Variants in TBC1D21 observed in about 807,000 individuals in gnomAD.
TBC1D21 encodes TBC1 domain family member 21.
Under a neutral mutation model 46.0 loss-of-function variants are expected in TBC1D21, and 38 were observed. The observed-to-expected ratio is 0.83, with a 90% CI of 0.64 to 1.08. The LOEUF is 1.08. Ranked by LOEUF, TBC1D21 falls within the 50% of genes least tolerant of loss-of-function variation. The pLI is 0.00. For synonymous variants in TBC1D21, 151 were observed against 157.2 expected (o/e 0.96, Z 0.29); for missense variants, 415 against 417.9 (o/e 0.99, Z 0.06).
chr15:73,884,947 C>T, intron 5 of TBC1D21, 56 bp downstream of exon 5: 2 of 1,609,002 alleles, frequency 1.2e-6, no homozygotes, highest in Admixed American at 1.7e-5. Context: ...CAACCTAAGC[C>T]AAGGGTCCAG....
chr15:73,874,836 T>TA (rs2068029588), intron 1 of TBC1D21, among the ~76,000 whole-genome samples: 1 of 152,204 alleles, frequency 6.6e-6, no homozygotes, highest in African/African-American at 2.4e-5. Context: ...ACCATTTTCT[T>TA]CATCACGGTG....
At chr15:73,886,027 G>C in intron 6 of TBC1D21, 51 bp from the exon 7 acceptor site, 1 of 1,530,318 alleles carries the variant, frequency 6.5e-7, no homozygotes, top group Non-Finnish European at 9.0e-7. Flanking sequence ...TGACTCTTCC[G>C]GTGCCTTGAA....
the TBC1D21 span, among the ~76,000 whole-genome samples, chr15:73,897,971 G>A: frequency 1.3e-5 from 2 of 152,140 alleles, no homozygotes; most frequent in African/African-American, 4.8e-5. Flanking sequence ...CTGCCCCCCA[G>A]CACACACACA....
chr15:73,876,152 G>T (rs1408612183), intron 1 of TBC1D21, among the ~76,000 whole-genome samples: 1 of 147,506 alleles, frequency 6.8e-6, no homozygotes, highest in African/African-American at 2.5e-5. Flanking sequence ...GGTGGGTGTA[G>T]AGAAATGGAG....
intron 10 of TBC1D21, 25 bp from the exon 11 acceptor site, chr15:73,889,044 C>A: frequency 6.2e-7 from 1 of 1,612,810 alleles, no homozygotes; most frequent in Non-Finnish European, 8.5e-7. Flanking sequence ...AATGTCTGTG[C>A]ACCTCCCACC....
chr15:73,902,713 C>T, the TBC1D21 span, among the ~76,000 whole-genome samples: 2 of 152,202 alleles, frequency 1.3e-5, no homozygotes, highest in Non-Finnish European at 2.9e-5. Context: ...GGGTCTGCTC[C>T]CCTGGAGAGC....
intron 3 of TBC1D21, among the ~76,000 whole-genome samples, chr15:73,882,777 C>A (rs761454560): frequency 6.6e-6 from 1 of 152,202 alleles, no homozygotes; most frequent in Non-Finnish European, 1.5e-5. Context: ...ACAGGTAAGG[C>A]ACCTTGCACA....
At chr15:73,884,112 GA>G (rs66619071) in intron 3 of TBC1D21, 38 bp from the exon 4 acceptor site, 1,564,551 of 1,576,286 alleles carry the variant, frequency 0.99, 777,150 homozygotes, top group East Asian at 1. Flanking sequence ...ATCAGAAGGG[GA>G]AAAGCCACCT....
At chr15:73,887,816 G>A (rs1051561690) in intron 9 of TBC1D21, 80 bp downstream of exon 9, 4 of 1,213,668 alleles carry the variant, frequency 3.3e-6, no homozygotes, top group South Asian at 1.3e-5. Flanking sequence ...GAAAGACCGG[G>A]GTTCATGGGG....
intron 5 of TBC1D21, 29 bp downstream of exon 5, chr15:73,884,920 C>T (rs766121241): frequency 9.9e-6 from 16 of 1,610,528 alleles, no homozygotes; most frequent in Non-Finnish European, 1.3e-5. Context: ...TTGTCAATGC[C>T]CTCCCAGGAC....
At position 73,889,198 on chromosome 15, in the gene TBC1D21, A is replaced by C; in HGVS notation, c.*97A>C. On this transcript the variant is annotated 3_prime_UTR_variant, in exon 11 of 11. Coordinates refer to ENST00000300504, the MANE Select transcript of TBC1D21 (RefSeq NM_153356.3). ...AGTAGATAAAACAGCTGCAATATAA[A>C]CAGTCCTCTGGAATAATGGTTTGTG... The C allele has an allele frequency of 5.2e-6, 7 of 1,342,188 alleles. No individual in the cohort carries two copies. Among genetic ancestry groups the C allele is most frequent in the Non-Finnish European group, 6.3e-6 (6 of 953,478 alleles). The allele number at this position is 1,342,188 out of a possible 1,614,324, so 83.1% of individuals were successfully genotyped here.
chr15:73,907,131 T>G, the TBC1D21 span, among the ~76,000 whole-genome samples: 2 of 142,424 alleles, frequency 1.4e-5, no homozygotes, highest in African/African-American at 2.5e-5. Flanking sequence ...TTCCTCTTCC[T>G]CCTCCTGCTC....
Position 73,884,794 on chromosome 15 carries a change from G to C in TBC1D21, c.381G>C (p.Gln127His). 1 of 1,614,040 alleles carries C rather than the reference G, an allele frequency of 6.2e-7. No individual in the cohort carries two copies. Among genetic ancestry groups the C allele is most frequent in the Non-Finnish European group, 8.5e-7 (1 of 1,179,958 alleles). The stretch of plus-strand genomic sequence containing the variant: ...CTTCCAACCTAGCACGTGACATTCA[G>C]AAAATCTATGACAAAGATCCCCTGG... ...ETRNNIARDI[Q>H]KIYDKDPLGN... The change falls in exon 5 of 11, where the codon CAG becomes CAC. Residue 127 changes from glutamine (Q) to histidine (H), a missense_variant. Gln to His is a conservative substitution (Grantham distance 24). Transcript: ENST00000300504.
At chr15:73,883,141 G>A (rs1173759057) in intron 3 of TBC1D21, among the ~76,000 whole-genome samples, 1 of 152,178 alleles carries the variant, frequency 6.6e-6, no homozygotes. Flanking sequence ...GCCTGAAGCA[G>A]GGGCTAGGCC....
the TBC1D21 span, among the ~76,000 whole-genome samples, chr15:73,896,856 G>A: frequency 6.6e-6 from 1 of 152,338 alleles, no homozygotes; most frequent in Admixed American, 6.5e-5. Flanking sequence ...CTCTGAAATG[G>A]AGGACAACAT....
downstream of TBC1D21, among the ~76,000 whole-genome samples, chr15:73,890,596 C>G (rs951743183): frequency 2.0e-5 from 3 of 152,196 alleles, no homozygotes; most frequent in African/African-American, 7.2e-5. Context: ...CTAGTTTTGG[C>G]CTTGGGAAGA....
At chr15:73,900,284 C>A in the TBC1D21 span, among the ~76,000 whole-genome samples, 1 of 152,180 alleles carries the variant, frequency 6.6e-6, no homozygotes, top group African/African-American at 2.4e-5. Context: ...GCAGATGGTG[C>A]CTTCGTGCTA....
At chr15:73,892,255 C>G (rs1347866880), downstream of TBC1D21, among the ~76,000 whole-genome samples, 2 of 152,204 alleles carry the variant, frequency 1.3e-5, no homozygotes, top group African/African-American at 4.8e-5. Context: ...CTCCACTTGT[C>G]CACATACCTC....
the TBC1D21 span, among the ~76,000 whole-genome samples, chr15:73,907,184 C>T: frequency 6.6e-6 from 1 of 152,158 alleles, no homozygotes; most frequent in Non-Finnish European, 1.5e-5. Context: ...TCACTCCCCA[C>T]CAGCTAACTA....
Sources: gnomAD v4.1 joint callset for allele counts (sites outside exome capture counted in the v4.1 genomes callset) on GRCh38, gnomAD v4.1.1 for gene constraint, MANE v1.5 for transcripts, NCBI Gene and HGNC (gene_info 2026-07-23, HGNC 2026-07-21) for gene names.